Variants in SORCS1 observed in about 807,000 individuals in gnomAD.
SORCS1 encodes the protein sortilin related VPS10 domain containing receptor 1.
SORCS1 carries 60 observed loss-of-function variants against 146.1 expected under a neutral mutation model. The observed-to-expected ratio is 0.41, with a 90% CI of 0.33 to 0.51. The LOEUF is 0.51. Among genes scored for constraint, SORCS1 ranks in the 20% least tolerant of loss-of-function variants. The probability of loss-of-function intolerance (pLI) is 0.21; values close to 1 mark genes in which losing one functional copy is unlikely to be tolerated. For synonymous variants in SORCS1, 637 were observed against 584.0 expected (o/e 1.09, Z -1.31); for missense variants, 1,352 against 1,487.6 (o/e 0.91, Z 1.50).
intron 5 of SORCS1, among the ~76,000 whole-genome samples, chr10:106,739,793 A>T (rs1248989943): frequency 6.6e-6 from 1 of 151,928 alleles, no homozygotes; most frequent in African/African-American, 2.4e-5. Context: ...CTACTAAAAA[A>T]CACAAAAAAT....
chr10:106,808,877 A>G lies in SORCS1; in HGVS notation c.726+20697T>C, dbSNP rs1446535021. On this transcript the variant is annotated intron_variant, in intron 3 of 25. Coordinates refer to ENST00000263054, the MANE Select transcript of SORCS1 (RefSeq NM_052918.5). ...AAAACCAGAGGACTCCACTACTTTCATCCCATTTAGAGATCTTTGTTCTCA... is the reference window on the plus strand; with the variant it reads ...AAAACCAGAGGACTCCACTACTTTCGTCCCATTTAGAGATCTTTGTTCTCA... 2.0e-5 allele frequency among the ~76,000 whole-genome samples: 3 copies of G among 152,178 alleles called. No individual in the cohort carries two copies. In the East Asian group the frequency reaches 5.8e-4, roughly 29 times the overall value.
intron 2 of SORCS1, among the ~76,000 whole-genome samples, chr10:106,891,592 T>TG (rs753679943): frequency 1.0e-4 from 15 of 149,088 alleles, no homozygotes; most frequent in Admixed American, 6.8e-4. Flanking sequence ...CTCGAATTCC[T>TG]GGGCTCAAGT....
chr10:107,053,536 GA>G (rs938442564), intron 1 of SORCS1, among the ~76,000 whole-genome samples: 5 of 149,572 alleles, frequency 3.3e-5, no homozygotes, highest in African/African-American at 4.9e-5. Context: ...TTAGTCAATT[GA>G]AAAAAAAATG....
chr10:107,164,371 G>A lies in SORCS1; in HGVS notation c.156C>T (p.Thr52=), dbSNP rs769162747. The A allele has an allele frequency of 6.8e-7, 1 of 1,476,756 alleles. No individual in the cohort carries two copies. The highest frequency in any genetic ancestry group is 2.5e-5 in the East Asian group (1 of 40,298). 91.5% of individuals were successfully genotyped at this position (1,476,756 alleles called of 1,614,324 possible). ...HPSSAPRSAS[T]PRGFSHQGRP... Reference sequence around the variant, plus strand: ...GCCCCTGGTGGGAAAAGCCCCTAGGGGTCGAGGCCGAGCGTGGAGCGGAGC... The same window carrying A: ...GCCCCTGGTGGGAAAAGCCCCTAGGAGTCGAGGCCGAGCGTGGAGCGGAGC... Residue 52 remains threonine (T), a synonymous_variant, in exon 1 of 26, where the codon ACC becomes ACT. Transcript: ENST00000263054. The surrounding 1 kb of genome is among the most constrained non-coding windows in gnomAD (Gnocchi z 6.8).
intron 18 of SORCS1, among the ~76,000 whole-genome samples, chr10:106,644,689 C>G (rs1849294294): frequency 6.6e-6 from 1 of 152,164 alleles, no homozygotes; most frequent in African/African-American, 2.4e-5. Flanking sequence ...ACAGCTTTGA[C>G]TATTTTTGCA....
At chr10:106,712,327 GT>G (rs752941767) in intron 6 of SORCS1, among the ~76,000 whole-genome samples, 1 of 152,202 alleles carries the variant, frequency 6.6e-6, no homozygotes, top group Non-Finnish European at 1.5e-5. Context: ...TGAGTGAGGG[GT>G]CTGGTATCTC....
intron 1 of SORCS1, among the ~76,000 whole-genome samples, chr10:107,059,870 A>G (rs1961010417): frequency 7.8e-6 from 1 of 128,860 alleles, no homozygotes; most frequent in Non-Finnish European, 1.8e-5. Flanking sequence ...GTTAAAAACA[A>G]AAGTAGATTA....
intron 24 of SORCS1, among the ~76,000 whole-genome samples, chr10:106,590,467 G>T (rs888055791): frequency 2.6e-5 from 4 of 152,112 alleles, no homozygotes; most frequent in Admixed American, 2.6e-4. Flanking sequence ...AATGGATCCT[G>T]CCCTTGAGTA....
At chr10:106,711,501 G>C (rs771934864) in intron 6 of SORCS1, among the ~76,000 whole-genome samples, 61 of 152,154 alleles carry the variant, frequency 4.0e-4, no homozygotes, top group Non-Finnish European at 7.8e-4. Flanking sequence ...GTATTCTGCA[G>C]AGTGCCACTA....
At position 106,652,390 on chromosome 10, in the gene SORCS1, A is replaced by G. The variant is rs1849931878; in HGVS notation, c.2467T>C (p.Leu823=). The G allele has an allele frequency of 6.2e-7, 1 of 1,613,962 alleles. No homozygotes were observed. The highest frequency in any genetic ancestry group is 1.7e-5 in the Admixed American group (1 of 60,022). Residue 823 remains leucine (L), a synonymous_variant, in exon 18 of 26, where the codon TTA becomes CTA. Coordinates refer to ENST00000263054, the MANE Select transcript of SORCS1 (RefSeq NM_052918.5). ...ATAGGAATCAGTCCTACCTCTTCTA[A>G]TTGCACCATGAGAGTGACGTTGTGT... ...QGHNVTLMVQ[L]EEGDVQRTLI...
At chr10:106,955,919 G>A (rs2138982686) in intron 2 of SORCS1, among the ~76,000 whole-genome samples, 1 of 152,248 alleles carries the variant, frequency 6.6e-6, no homozygotes, top group Middle Eastern at 3.4e-3. Flanking sequence ...CCTGAGGTTG[G>A]AAGTTCAAGA....
chr10:107,036,816 A>C (rs1301155996), intron 1 of SORCS1, among the ~76,000 whole-genome samples: 3 of 152,240 alleles, frequency 2.0e-5, no homozygotes, highest in Admixed American at 6.5e-5. Context: ...TGAGTGAAGG[A>C]AATCTCATGG....
At chr10:107,003,429 AGTGT>A (rs59467041) in intron 1 of SORCS1, among the ~76,000 whole-genome samples, 25,873 of 140,278 alleles carry the variant, frequency 0.18, 2,319 homozygotes, top group Middle Eastern at 0.26. Context: ...AATTCCCATA[AGTGT>A]GTGTGTGTGT....
At chr10:107,094,548 A>C (rs1964419844) in intron 1 of SORCS1, among the ~76,000 whole-genome samples, 1 of 152,224 alleles carries the variant, frequency 6.6e-6, no homozygotes, top group Non-Finnish European at 1.5e-5. Flanking sequence ...TTCACCTATG[A>C]CTTTCAAAAA....
intron 23 of SORCS1, among the ~76,000 whole-genome samples, chr10:106,598,707 T>C (rs1371202129): frequency 6.6e-6 from 1 of 152,194 alleles, no homozygotes; most frequent in Non-Finnish European, 1.5e-5. Flanking sequence ...TTTTTCCTTT[T>C]CTATTTGTTG....
chr10:106,684,722 C>A (rs543640655), intron 10 of SORCS1, among the ~76,000 whole-genome samples: 1 of 152,310 alleles, frequency 6.6e-6, no homozygotes, highest in South Asian at 2.1e-4. Context: ...CTGAAAAAAT[C>A]TCTTTTCTAA....
chr10:106,732,524 G>A (rs868257997), intron 5 of SORCS1, among the ~76,000 whole-genome samples: 5 of 152,326 alleles, frequency 3.3e-5, no homozygotes, highest in African/African-American at 1.2e-4. Context: ...AAAATGGGCA[G>A]TTACATGTTG....
At chr10:106,992,663 TA>T (rs1220639253) in intron 1 of SORCS1, among the ~76,000 whole-genome samples, 58 of 144,418 alleles carry the variant, frequency 4.0e-4, no homozygotes, top group East Asian at 6.0e-4. Context: ...CCTGGCTAAT[TA>T]AAAAAAAAAA....
At chr10:106,976,276 G>GTA (rs941675039) in intron 1 of SORCS1, among the ~76,000 whole-genome samples, 1 of 149,730 alleles carries the variant, frequency 6.7e-6, no homozygotes, top group African/African-American at 2.4e-5. Flanking sequence ...TGCTACATAG[G>GTA]TATATATGTG....
Sources: allele counts gnomAD v4.1 joint callset (sites outside exome capture counted in the v4.1 genomes callset), GRCh38; gene constraint gnomAD v4.1.1; non-coding constraint Gnocchi (gnomAD v3.1); transcripts MANE v1.5; gene names NCBI Gene and HGNC (gene_info 2026-07-23, HGNC 2026-07-21).